BORCS5: variants seen among roughly 807,000 people sequenced by gnomAD.
The protein encoded by BORCS5 is BLOC-1-related complex subunit 5.
In BORCS5, 17 loss-of-function variants were observed where a neutral mutation model predicts 22.1. The ratio of observed to expected loss-of-function variants is 0.77; its 90% CI spans 0.53 to 1.15. The LOEUF is 1.15. Ranked by LOEUF, BORCS5 falls within the 50% of genes most tolerant of loss-of-function variation. BORCS5 has a pLI of 0.00. For missense variants in BORCS5, 247 were observed against 253.2 expected, an observed-to-expected ratio of 0.98 and a Z score of 0.17; for synonymous variants, 117 against 99.8, an observed-to-expected ratio of 1.17 and a Z score of -1.03.
chr12:12,390,091 T>C (rs1161482469), intron 2 of BORCS5, among the ~76,000 whole-genome samples: 2 of 152,168 alleles, frequency 1.3e-5, no homozygotes, highest in African/African-American at 2.4e-5. Context: ...ATAGGCCTGC[T>C]AAAATCTTTT....
At chr12:12,451,929 TAAAAAA>T (rs34066948) in intron 3 of BORCS5, among the ~76,000 whole-genome samples, 2 of 134,038 alleles carry the variant, frequency 1.5e-5, no homozygotes, top group African/African-American at 5.5e-5. Context: ...AAAAAAAAAT[TAAAAAA>T]AAAAAAAAAA....
At chr12:12,450,510 A>AT (rs973697899) in intron 3 of BORCS5, among the ~76,000 whole-genome samples, 6 of 152,038 alleles carry the variant, frequency 3.9e-5, no homozygotes, top group Non-Finnish European at 8.8e-5. Flanking sequence ...GTAATTTATT[A>AT]TTTTTTTTAT....
chr12:12,363,635 G>T (rs1266720514), intron 2 of BORCS5, among the ~76,000 whole-genome samples: 2 of 152,094 alleles, frequency 1.3e-5, no homozygotes, highest in African/African-American at 4.8e-5. Context: ...TACTTGGGAG[G>T]GTGAGGTAGG....
intron 2 of BORCS5, among the ~76,000 whole-genome samples, chr12:12,403,397 A>G (rs986026684): frequency 3.3e-5 from 5 of 152,104 alleles, no homozygotes; most frequent in African/African-American, 1.2e-4. Flanking sequence ...TTCTGTGGCA[A>G]TCCCAGCTGC....
intron 2 of BORCS5, among the ~76,000 whole-genome samples, chr12:12,419,529 G>A (rs575051327): frequency 1.3e-5 from 2 of 152,314 alleles, no homozygotes; most frequent in South Asian, 4.2e-4. Flanking sequence ...CTTTATAGCA[G>A]CATGATTTAT....
Position 12,466,575 on chromosome 12 carries a change from A to T in BORCS5, c.*799A>T, listed in dbSNP as rs1943207555. ...GCCTCAGGCCTTCATTTCTGAAAAG[A>T]AAAAAGCTCAAAAAGCTGCTGAATT... is the stretch of plus-strand genomic sequence containing the variant. On this transcript the variant is annotated 3_prime_UTR_variant, in exon 4 of 4. Coordinates refer to ENST00000314565, the MANE Select transcript of BORCS5 (RefSeq NM_058169.6). The T allele has an allele frequency of 6.6e-6, 1 of 152,266 alleles. No homozygotes were observed. The highest frequency in any genetic ancestry group is 6.5e-5 in the Admixed American group (1 of 15,288). The allele number at this position is 152,266 out of a possible 1,614,324, so 9.4% of individuals were successfully genotyped here.
chr12:12,440,391 C>T (rs1010525023), intron 3 of BORCS5, among the ~76,000 whole-genome samples: 1 of 152,160 alleles, frequency 6.6e-6, no homozygotes, highest in East Asian at 1.9e-4. Flanking sequence ...TGCAGACCCA[C>T]CTAGTGGGGA....
intron 2 of BORCS5, among the ~76,000 whole-genome samples, chr12:12,397,608 A>AC (rs1269066290): frequency 2.3e-4 from 35 of 152,222 alleles, no homozygotes; most frequent in Non-Finnish European, 5.9e-5. Context: ...GAAGATCGGT[A>AC]CCTGACATAG....
At chr12:12,395,492 G>T in intron 2 of BORCS5, among the ~76,000 whole-genome samples, 1 of 128,446 alleles carries the variant, frequency 7.8e-6, no homozygotes, top group South Asian at 2.5e-4. Flanking sequence ...TCACCATGTT[G>T]GCCAGGCTGA....
intron 3 of BORCS5, 111 bp downstream of exon 3, chr12:12,435,896 T>C (rs1942545361): frequency 9.2e-7 from 1 of 1,088,044 alleles, no homozygotes. Context: ...GGAGATTGCT[T>C]TTTCCCAGCA....
In BORCS5 at chr12:12,452,534, C is replaced by T. The variant is rs534357425; in HGVS notation, c.361-13012C>T. On this transcript the variant is annotated intron_variant, in intron 3 of 3. Coordinates refer to ENST00000314565, the MANE Select transcript of BORCS5 (RefSeq NM_058169.6). Reference sequence around the variant, plus strand: ...CACTGGGGGCCAGGGTGCGGGCCGGCGCGCAAGCCTCGCCTCGTGATCTTG... The same window carrying T: ...CACTGGGGGCCAGGGTGCGGGCCGGTGCGCAAGCCTCGCCTCGTGATCTTG... 1.6e-3 allele frequency: 618 copies of T among 380,230 alleles called. 4 individuals are homozygous for T. Among genetic ancestry groups the T allele is most frequent in the African/African-American group, 0.012 (570 of 46,946 alleles). The allele number at this position is 380,230 out of a possible 1,614,324, so 23.6% of individuals were successfully genotyped here.
At chr12:12,402,665 T>C (rs1004748784) in intron 2 of BORCS5, among the ~76,000 whole-genome samples, 21 of 152,210 alleles carry the variant, frequency 1.4e-4, no homozygotes, top group African/African-American at 4.1e-4. Flanking sequence ...CTTTGAGTAG[T>C]TGAGTTCCCC....
At chr12:12,415,153 T>C (rs1236510535) in intron 2 of BORCS5, among the ~76,000 whole-genome samples, 17 of 148,408 alleles carry the variant, frequency 1.1e-4, no homozygotes, top group South Asian at 4.3e-4. Context: ...GGGTGGCGGC[T>C]GGGCAGAGGC....
At chr12:12,454,416 T>G (rs4763830) in intron 3 of BORCS5, among the ~76,000 whole-genome samples, 2 of 152,042 alleles carry the variant, frequency 1.3e-5, no homozygotes, top group Non-Finnish European at 2.9e-5. Flanking sequence ...GATTGCACTT[T>G]TCTAATGTCC....
chr12:12,417,156 A>G (rs1194833137), intron 2 of BORCS5, among the ~76,000 whole-genome samples: 1 of 143,556 alleles, frequency 7.0e-6, no homozygotes, highest in African/African-American at 2.7e-5. Flanking sequence ...GTTTTGGTAT[A>G]TTGTGTTTTT....
At chr12:12,398,442 G>A (rs138422892) in intron 2 of BORCS5, among the ~76,000 whole-genome samples, 2 of 152,284 alleles carry the variant, frequency 1.3e-5, no homozygotes, top group East Asian at 3.9e-4. Context: ...TGTTTGTTTT[G>A]TCAGGAAAAA....
intron 3 of BORCS5, among the ~76,000 whole-genome samples, chr12:12,458,640 G>A (rs1263191469): frequency 2.7e-5 from 4 of 148,616 alleles, no homozygotes; most frequent in Non-Finnish European, 5.9e-5. Flanking sequence ...GGGCAGTGGT[G>A]CGATCTTGAC....
chr12:12,452,914 C>T (rs1240444130), intron 3 of BORCS5, among the ~76,000 whole-genome samples: 2 of 152,106 alleles, frequency 1.3e-5, no homozygotes, highest in Non-Finnish European at 2.9e-5. Context: ...GTCAAGTAGC[C>T]ATGGTCTGGT....
At chr12:12,456,886 T>C (rs1592141615) in intron 3 of BORCS5, among the ~76,000 whole-genome samples, 1 of 125,434 alleles carries the variant, frequency 8.0e-6, no homozygotes. Flanking sequence ...TAAGTTGTCA[T>C]CTGAGTGATT....
Sources: gnomAD v4.1 joint callset for allele counts (sites outside exome capture counted in the v4.1 genomes callset) on GRCh38, gnomAD v4.1.1 for gene constraint, MANE v1.5 for transcripts, NCBI Gene and HGNC (gene_info 2026-07-23, HGNC 2026-07-21) for gene names.